The following TMEM74 variants were observed in gnomAD, a reference collection of about 807,000 sequenced individuals.
TMEM74 encodes the protein transmembrane protein 74.
A neutral mutation model predicts 18.1 loss-of-function variants in TMEM74; 13 were observed. The observed-to-expected ratio is 0.72, with a 90% CI of 0.47 to 1.14. TMEM74 has a LOEUF of 1.14. TMEM74 is among the 50% of genes most tolerant of loss of function. The pLI is 0.00. For missense variants in TMEM74, 372 were observed against 375.9 expected, an observed-to-expected ratio of 0.99 and a Z score of 0.09; for synonymous variants, 159 against 146.6, an observed-to-expected ratio of 1.08 and a Z score of -0.61.
At chr8:108,702,304 C>G (rs1363968281) in intron 1 of TMEM74, among the ~76,000 whole-genome samples, 2 of 145,712 alleles carry the variant, frequency 1.4e-5, no homozygotes, top group Non-Finnish European at 3.0e-5. Flanking sequence ...GAGATTGAGC[C>G]ACTGCACTCC....
intron 2 of TMEM74, among the ~76,000 whole-genome samples, chr8:108,627,067 TA>T (rs1812501112): frequency 6.6e-6 from 1 of 152,084 alleles, no homozygotes; most frequent in Admixed American, 6.6e-5. Flanking sequence ...TGTGTAAAAA[TA>T]ATTCAAAATG....
At chr8:108,740,981 A>G (rs1813794609) in intron 1 of TMEM74, among the ~76,000 whole-genome samples, 1 of 152,234 alleles carries the variant, frequency 6.6e-6, no homozygotes, top group Non-Finnish European at 1.5e-5. Context: ...TAAATACTTA[A>G]TAAACAGTGA....
intron 1 of TMEM74, among the ~76,000 whole-genome samples, chr8:108,712,017 C>T (rs1005258496): frequency 6.6e-6 from 1 of 151,880 alleles, no homozygotes; most frequent in African/African-American, 2.4e-5. Context: ...GTGGTCTGGA[C>T]CATCAGCATC....
chr8:108,702,963 A>T (rs1710465113), intron 1 of TMEM74, among the ~76,000 whole-genome samples: 1 of 151,898 alleles, frequency 6.6e-6, no homozygotes, highest in South Asian at 2.1e-4. Context: ...TAAGAAAAAG[A>T]AAAAGAGTAT....
At chr8:108,609,215 G>A (rs77033890) in intron 2 of TMEM74, among the ~76,000 whole-genome samples, 1,813 of 152,292 alleles carry the variant, frequency 0.012, 44 homozygotes, top group African/African-American at 0.042. Context: ...GAGGTAAGAT[G>A]TATTGGTAAG....
At chr8:108,634,509 A>G (rs1330804517) in intron 2 of TMEM74, among the ~76,000 whole-genome samples, 1 of 151,918 alleles carries the variant, frequency 6.6e-6, no homozygotes, top group African/African-American at 2.4e-5. Flanking sequence ...TTTCTGAGAC[A>G]TCCTGCAGAA....
chr8:108,724,465 A>G (rs1490151124), intron 1 of TMEM74, among the ~76,000 whole-genome samples: 1 of 152,180 alleles, frequency 6.6e-6, no homozygotes, highest in East Asian at 1.9e-4. Flanking sequence ...TGTATCCATG[A>G]TCATTTTTGA....
chr8:108,703,153 C>T (rs924981203), intron 1 of TMEM74, among the ~76,000 whole-genome samples: 1 of 152,100 alleles, frequency 6.6e-6, no homozygotes, highest in South Asian at 2.1e-4. Flanking sequence ...CCTCCCAATG[C>T]TCAGTTTTGG....
chr8:108,747,832 C>A (rs1033332210), intron 1 of TMEM74, among the ~76,000 whole-genome samples: 3 of 151,678 alleles, frequency 2.0e-5, no homozygotes, highest in African/African-American at 7.3e-5. Flanking sequence ...TCTGTTCCTA[C>A]GTTAGTTTGC....
chr8:108,697,185 A>G (rs1813288833), intron 1 of TMEM74, among the ~76,000 whole-genome samples: 1 of 152,130 alleles, frequency 6.6e-6, no homozygotes, highest in East Asian at 1.9e-4. Context: ...CTGGATTCCT[A>G]ACTGCAATGG....
At chr8:108,746,512 G>T (rs1813849931) in intron 1 of TMEM74, among the ~76,000 whole-genome samples, 1 of 152,018 alleles carries the variant, frequency 6.6e-6, no homozygotes, top group African/African-American at 2.4e-5. Context: ...GTTTATTTAT[G>T]CCTGTGATAT....
intron 2 of TMEM74, among the ~76,000 whole-genome samples, chr8:108,637,673 C>A (rs1812620724): frequency 6.6e-6 from 1 of 152,136 alleles, no homozygotes; most frequent in Non-Finnish European, 1.5e-5. Context: ...GAAATAAATT[C>A]TCTTCTAGAG....
At chr8:108,773,164 G>A (rs1814192406) in intron 1 of TMEM74, among the ~76,000 whole-genome samples, 1 of 152,046 alleles carries the variant, frequency 6.6e-6, no homozygotes, top group Non-Finnish European at 1.5e-5. Context: ...TGGAAGTGCA[G>A]TGCTCAGCTC....
intron 1 of TMEM74, among the ~76,000 whole-genome samples, chr8:108,693,627 A>G (rs956897322): frequency 6.6e-6 from 1 of 152,230 alleles, no homozygotes; most frequent in Non-Finnish European, 1.5e-5. Flanking sequence ...GTGTTACCAA[A>G]TGCCTTCCTA....
chr8:108,683,637 A>T (rs1330382552), intron 1 of TMEM74, among the ~76,000 whole-genome samples: 3 of 151,992 alleles, frequency 2.0e-5, no homozygotes. Flanking sequence ...GTACATAGTG[A>T]TATTTCGATA....
chr8:108,653,814 T>C (rs904169737), intron 2 of TMEM74, among the ~76,000 whole-genome samples: 3 of 152,138 alleles, frequency 2.0e-5, no homozygotes, highest in African/African-American at 7.2e-5. Context: ...TTTCTGAAGA[T>C]GAATTACACA....
At chr8:108,665,571 TA>T (rs1460981821) in intron 1 of TMEM74, among the ~76,000 whole-genome samples, 1 of 152,112 alleles carries the variant, frequency 6.6e-6, no homozygotes, top group South Asian at 2.1e-4. Flanking sequence ...ATGGCTGGAC[TA>T]ACAAAAATGG....
intron 1 of TMEM74, among the ~76,000 whole-genome samples, chr8:108,733,267 G>A (rs1329569700): frequency 6.6e-6 from 1 of 151,906 alleles, no homozygotes; most frequent in Non-Finnish European, 1.5e-5. Flanking sequence ...ATCAACAGGA[G>A]AACAATAGTT....
intron 1 of TMEM74, among the ~76,000 whole-genome samples, chr8:108,678,741 A>T (rs1813081674): frequency 6.7e-6 from 1 of 149,366 alleles, no homozygotes; most frequent in Non-Finnish European, 1.5e-5. Context: ...TTATATATTT[A>T]TTTATTTATT....
Sources: gnomAD v4.1 joint callset for allele counts (sites outside exome capture counted in the v4.1 genomes callset) on GRCh38, gnomAD v4.1.1 for gene constraint, MANE v1.5 for transcripts, NCBI Gene and HGNC (gene_info 2026-07-23, HGNC 2026-07-21) for gene names.